MTHFD1L: variants seen among roughly 807,000 people sequenced by gnomAD.
MTHFD1L encodes the protein monofunctional C1-tetrahydrofolate synthase, mitochondrial.
MTHFD1L carries 81 observed loss-of-function variants against 119.5 expected under a neutral mutation model. The observed-to-expected ratio is 0.68, with a 90% CI of 0.57 to 0.82. The LOEUF (loss-of-function observed/expected upper bound fraction) is 0.82. MTHFD1L is among the 40% of genes least tolerant of loss of function. The pLI, the probability that MTHFD1L is intolerant of heterozygous loss-of-function variation, is 0.00. For synonymous variants in MTHFD1L, 430 were observed against 475.2 expected, an observed-to-expected ratio of 0.90 and a Z score of 1.24; for missense variants, 1,125 against 1,253.4, an observed-to-expected ratio of 0.90 and a Z score of 1.55.
rs139412010 is a variant in MTHFD1L at position 150,876,067 on chromosome 6, T to C, written c.228-23T>C. 1.4e-4 allele frequency: 213 copies of C among 1,534,872 alleles called. 2 individuals are homozygous for C. In the East Asian group the frequency reaches 4.7e-3, roughly 34 times the overall value. On this transcript the variant is annotated intron_variant, in intron 1 of 27. Coordinates refer to ENST00000367321, the MANE Select transcript of MTHFD1L (RefSeq NM_015440.5). Reference sequence around the variant, plus strand: ...CTACTCATTAACCAAGAAATCACAATGTTGTTTTCTTTCTCAATGTAGAGA... The same window carrying C: ...CTACTCATTAACCAAGAAATCACAACGTTGTTTTCTTTCTCAATGTAGAGA...
chr6:150,938,054 G>C (rs1020324823), intron 12 of MTHFD1L, among the ~76,000 whole-genome samples: 2 of 152,134 alleles, frequency 1.3e-5, no homozygotes, highest in Admixed American at 6.5e-5. Context: ...GTCTCACTTG[G>C]TTGCCCAGGC....
chr6:150,994,094 A>AAAGAAAGAAAAAGAAAGAAAGT (rs1482239065), intron 20 of MTHFD1L, among the ~76,000 whole-genome samples: 1 of 119,530 alleles, frequency 8.4e-6, no homozygotes, highest in African/African-American at 3.2e-5. Context: ...AGAAAGAAAG[A>AAAGAAAGAAAAAGAAAGAAAGT]AAGTGACCCA....
intron 26 of MTHFD1L, among the ~76,000 whole-genome samples, chr6:151,067,139 G>A (rs1173728970): frequency 5.3e-5 from 8 of 151,778 alleles, no homozygotes; most frequent in Admixed American, 1.3e-4. Flanking sequence ...GATTATAGGC[G>A]TGCACCACCA....
At chr6:151,048,843 C>T (rs1406168888) in intron 26 of MTHFD1L, among the ~76,000 whole-genome samples, 1 of 152,220 alleles carries the variant, frequency 6.6e-6, no homozygotes, top group Non-Finnish European at 1.5e-5. Context: ...AACAATAGCA[C>T]GCTTCTGTGG....
Position 150,918,567 on chromosome 6 carries a change from T to A in MTHFD1L, c.893-10T>A. On this transcript the variant is annotated splice_polypyrimidine_tract_variant and intron_variant, in intron 8 of 27. Coordinates refer to ENST00000367321, the MANE Select transcript of MTHFD1L (RefSeq NM_015440.5). ...CTGAAAGTCTTTTTTTTCCCTCCAA[T>A]TTTTTACAGGGAAGGTTGGGTGTGG... The A allele has an allele frequency of 6.2e-7, 1 of 1,606,930 alleles. No individual in the cohort carries two copies. Among genetic ancestry groups the A allele is most frequent in the Non-Finnish European group, 8.5e-7 (1 of 1,173,542 alleles).
chr6:150,874,066 A>G (rs190891972), intron 1 of MTHFD1L, among the ~76,000 whole-genome samples: 2 of 152,308 alleles, frequency 1.3e-5, no homozygotes, highest in Admixed American at 6.5e-5. Flanking sequence ...AGACAAAAAT[A>G]AGAACCCAGC....
chr6:151,039,840 G>A lies in MTHFD1L; in HGVS notation c.2847+2723G>A, dbSNP rs571803890. On this transcript the variant is annotated intron_variant, in intron 26 of 27. Transcript: ENST00000367321. The surrounding 1 kb of genome is among the most constrained non-coding windows in gnomAD (Gnocchi z 4.4). The stretch of plus-strand genomic sequence containing the variant: ...TGAGGCAGGAGAATCGCTTGAACCC[G>A]GGAGGCAGAAGTTGCAGTAAGCCAA... Among the ~76,000 whole-genome samples, 8 of 152,192 alleles carry A rather than the reference G, an allele frequency of 5.3e-5. No individual in the cohort carries two copies. The East Asian group carries it at 5.8e-4, about 11-fold the overall frequency.
intron 5 of MTHFD1L, among the ~76,000 whole-genome samples, chr6:150,883,634 G>C (rs959747255): frequency 6.6e-6 from 1 of 152,244 alleles, no homozygotes; most frequent in Admixed American, 6.5e-5. Context: ...GGTTTTATTT[G>C]AAATTTGGAG....
At chr6:151,001,634 T>A (rs1027109237) in intron 20 of MTHFD1L, among the ~76,000 whole-genome samples, 1 of 152,074 alleles carries the variant, frequency 6.6e-6, no homozygotes, top group Non-Finnish European at 1.5e-5. Flanking sequence ...AGTCTTGGGA[T>A]CTGATCACTC....
At chr6:150,893,742 G>A (rs1783741091) in intron 7 of MTHFD1L, among the ~76,000 whole-genome samples, 1 of 152,074 alleles carries the variant, frequency 6.6e-6, no homozygotes. Flanking sequence ...CGGTTATCAG[G>A]CAGCCTGCTG....
chr6:150,941,300 G>T (rs556419443), intron 13 of MTHFD1L, among the ~76,000 whole-genome samples: 5 of 152,200 alleles, frequency 3.3e-5, no homozygotes, highest in Admixed American at 1.3e-4. Flanking sequence ...GAGTTGGGGG[G>T]GTTGAGGTAG....
chr6:150,891,639 C>T (rs1000195846), intron 7 of MTHFD1L, among the ~76,000 whole-genome samples: 13 of 150,938 alleles, frequency 8.6e-5, no homozygotes, highest in Admixed American at 2.6e-4. Context: ...GAACCAAATC[C>T]GAAAAGCATT....
chr6:151,029,826 A>G (rs967152926), intron 24 of MTHFD1L, among the ~76,000 whole-genome samples: 1 of 152,206 alleles, frequency 6.6e-6, no homozygotes, highest in Non-Finnish European at 1.5e-5. Context: ...CAACTCAGCC[A>G]TCCACTCGCA....
intron 26 of MTHFD1L, among the ~76,000 whole-genome samples, chr6:151,073,230 T>C (rs1217775594): frequency 1.3e-5 from 2 of 151,894 alleles, no homozygotes; most frequent in African/African-American, 4.8e-5. Context: ...ATGTACAGAG[T>C]CCTCCTTGAG....
chr6:151,031,414 G>T (rs1785322459), intron 24 of MTHFD1L, among the ~76,000 whole-genome samples: 1 of 152,228 alleles, frequency 6.6e-6, no homozygotes, highest in African/African-American at 2.4e-5. Context: ...AGGCCCCAGT[G>T]AATCCCTGTC....
rs1248736450 is a variant in MTHFD1L, at chr6:150,898,845, T to TATC, written c.781-6803_781-6802insCAT. On this transcript the variant is annotated intron_variant, in intron 7 of 27. Coordinates refer to ENST00000367321, the MANE Select transcript of MTHFD1L (RefSeq NM_015440.5). Reference sequence around the variant, plus strand: ...TAGGGAAGATTATTATTATTATTATTATTTTCTTTTTCAGACGGAGTCTCG... The same window carrying TATC: ...TAGGGAAGATTATTATTATTATTATTATCATTTTCTTTTTCAGACGGAGTCTCG... 4 of 376,328 alleles carry TATC rather than the reference T, an allele frequency of 1.1e-5. 1 individual carries two copies. The highest frequency in any genetic ancestry group is 2.0e-5 in the Non-Finnish European group (4 of 201,010). 23.3% of individuals were successfully genotyped at this position (376,328 alleles called of 1,614,324 possible).
chr6:151,097,466 A>T (rs1794974759), intron 27 of MTHFD1L, among the ~76,000 whole-genome samples: 1 of 152,212 alleles, frequency 6.6e-6, no homozygotes. Context: ...GCATGGATGG[A>T]AGTGGAAGTT....
chr6:150,906,142 T>C (rs1204553623), intron 8 of MTHFD1L, among the ~76,000 whole-genome samples: 2 of 152,244 alleles, frequency 1.3e-5, no homozygotes, highest in African/African-American at 2.4e-5. Context: ...TAAAAGCAGA[T>C]GAGCGCCGGA....
Position 151,034,695 on chromosome 6 carries a change from AACCTTTGCT to A in MTHFD1L, c.2694+96_2694+104del, listed in dbSNP as rs1293438291. The A allele has an allele frequency of 8.9e-6, 7 of 782,264 alleles. No individual in the cohort carries two copies. The African/African-American group carries it at 1.2e-4, about 13-fold the overall frequency. 48.5% of individuals were successfully genotyped at this position (782,264 alleles called of 1,614,324 possible). On this transcript the variant is annotated intron_variant, in intron 25 of 27. Coordinates refer to ENST00000367321, the MANE Select transcript of MTHFD1L (RefSeq NM_015440.5). Reference sequence around the variant, plus strand: ...AGGATTTGTACATATCGCACCAGCTAACCTTTGCTTAATCTATTGTATGGTTAACAAAGA... The same window carrying A: ...AGGATTTGTACATATCGCACCAGCTATAATCTATTGTATGGTTAACAAAGA...
Sources: gnomAD v4.1 joint callset for allele counts (sites outside exome capture counted in the v4.1 genomes callset) on GRCh38, gnomAD v4.1.1 for gene constraint, Gnocchi (gnomAD v3.1) non-coding constraint, MANE v1.5 for transcripts, NCBI Gene and HGNC (gene_info 2026-07-23, HGNC 2026-07-21) for gene names.